The following DNAH11 variants were observed in gnomAD, a reference collection of about 807,000 sequenced individuals.
DNAH11 encodes axonemal beta dynein heavy chain 11.
DNAH11 carries 442 observed loss-of-function variants against 526.0 expected under a neutral mutation model. The ratio of observed to expected loss-of-function variants is 0.84; its 90% CI spans 0.78 to 0.91. DNAH11 has a LOEUF of 0.91. Ranked by LOEUF, DNAH11 falls within the 40% of genes least tolerant of loss-of-function variation. DNAH11 has a pLI of 0.00. For synonymous variants in DNAH11, 2,461 were observed against 1,935.9 expected, an observed-to-expected ratio of 1.27 and a Z score of -7.12; for missense variants, 6,989 against 5,448.7, an observed-to-expected ratio of 1.28 and a Z score of -8.90.
At chr7:21,855,739 G>T (rs1278397423) in intron 68 of DNAH11, among the ~76,000 whole-genome samples, 1 of 152,094 alleles carries the variant, frequency 6.6e-6, no homozygotes, top group Non-Finnish European at 1.5e-5. Context: ...TGTTTATTAT[G>T]ATCAATCACG....
intron 44 of DNAH11, among the ~76,000 whole-genome samples, chr7:21,723,674 G>A (rs1389935745): frequency 2.0e-5 from 3 of 151,958 alleles, no homozygotes; most frequent in Admixed American, 1.3e-4. Context: ...TATTTACAAG[G>A]CCTCTGAATC....
intron 29 of DNAH11, among the ~76,000 whole-genome samples, chr7:21,657,551 T>G (rs1782068869): frequency 6.6e-6 from 1 of 152,128 alleles, no homozygotes; most frequent in South Asian, 2.1e-4. Context: ...GACTGCAAAG[T>G]TCTTGAGAAC....
At chr7:21,703,183 T>G (rs413571) in intron 37 of DNAH11, among the ~76,000 whole-genome samples, 7,339 of 152,218 alleles carry the variant, frequency 0.048, 258 homozygotes, top group East Asian at 0.14. Flanking sequence ...GAGCATCCAT[T>G]TCATGGGACC....
At chr7:21,793,684 C>A (rs1416686326) in intron 61 of DNAH11, among the ~76,000 whole-genome samples, 1 of 151,354 alleles carries the variant, frequency 6.6e-6, no homozygotes, top group Non-Finnish European at 1.5e-5. Flanking sequence ...GTTGCTTAGA[C>A]CTATGTAGTC....
chr7:21,574,595 A>C (rs1459357700), intron 8 of DNAH11, among the ~76,000 whole-genome samples: 3 of 115,684 alleles, frequency 2.6e-5, no homozygotes, highest in Admixed American at 1.2e-4. Flanking sequence ...ACAGAGTCTC[A>C]CTCTGTCGCC....
chr7:21,571,969 A>T lies in DNAH11; in HGVS notation c.1589A>T (p.Asn530Ile), dbSNP rs770674615. Residue 530 changes from asparagine to isoleucine, a missense_variant, in exon 8 of 82, where the codon AAC becomes ATC. Physicochemically the swap from Asn to Ile is moderately radical, Grantham distance 149. Transcript: ENST00000409508. ...ACTTATGACCCATCTGATTGCACTAACATGGTAATGTTGTACCTTTGCATT... is the reference window on the plus strand; with the variant it reads ...ACTTATGACCCATCTGATTGCACTATCATGGTAATGTTGTACCTTTGCATT... ...QSTYDPSDCT[N>I]MEFESDYVAF... The T allele has an allele frequency of 1.3e-6, 2 of 1,555,512 alleles. No homozygotes were observed. Among genetic ancestry groups the T allele is most frequent in the East Asian group, 4.6e-5 (2 of 43,524 alleles).
chr7:21,879,912 C>T (rs771077643), intron 74 of DNAH11, among the ~76,000 whole-genome samples: 1 of 151,866 alleles, frequency 6.6e-6, no homozygotes, highest in East Asian at 1.9e-4. Flanking sequence ...TGGCAAAAAC[C>T]CATCTCTATT....
chr7:21,788,740 T>G (rs1338482432), intron 60 of DNAH11, among the ~76,000 whole-genome samples: 1 of 152,216 alleles, frequency 6.6e-6, no homozygotes, highest in Non-Finnish European at 1.5e-5. Context: ...CCACACTTAT[T>G]TTCTGCCTTA....
intron 54 of DNAH11, among the ~76,000 whole-genome samples, chr7:21,758,683 A>G (rs984204796): frequency 7.2e-5 from 11 of 152,266 alleles, no homozygotes; most frequent in African/African-American, 2.7e-4. Flanking sequence ...AAGAGTGAGT[A>G]GAAGTCTTTC....
chr7:21,817,458 A>G (rs944660249), intron 64 of DNAH11, among the ~76,000 whole-genome samples: 4 of 143,832 alleles, frequency 2.8e-5, no homozygotes, highest in African/African-American at 1.0e-4. Context: ...ATACAGGAGG[A>G]TTGCTTGGAG....
intron 66 of DNAH11, among the ~76,000 whole-genome samples, chr7:21,847,178 G>A (rs1437050719): frequency 6.6e-6 from 1 of 152,080 alleles, no homozygotes; most frequent in Non-Finnish European, 1.5e-5. Context: ...TGGTTAAAAT[G>A]TTACTGACTT....
intron 65 of DNAH11, among the ~76,000 whole-genome samples, chr7:21,835,952 T>C (rs59552782): frequency 3.3e-5 from 5 of 150,906 alleles, no homozygotes; most frequent in African/African-American, 1.2e-4. Context: ...GTCAGTAGTG[T>C]TTCTATACAC....
In DNAH11 at chr7:21,815,694, C is replaced by T. The variant is rs967507655; in HGVS notation, c.10333-773C>T. On this transcript the variant is annotated intron_variant, in intron 63 of 81. Coordinates refer to ENST00000409508, the MANE Select transcript of DNAH11 (RefSeq NM_001277115.2). ...GTGTCTCTAGACAGTGTTTCATGTA[C>T]GTAGAAAATGCTCAATAAATGTTTG... is the stretch of plus-strand genomic sequence containing the variant. Among the ~76,000 whole-genome samples, 4 of 152,070 alleles carry T rather than the reference C, an allele frequency of 2.6e-5. No homozygotes were observed. In the South Asian group the frequency reaches 6.2e-4, roughly 24 times the overall value.
At position 21,786,783 on chromosome 7, in the gene DNAH11, G is replaced by T; in HGVS notation, c.9741+16G>T. On this transcript the variant is annotated intron_variant, in intron 59 of 81. Coordinates refer to ENST00000409508, the MANE Select transcript of DNAH11 (RefSeq NM_001277115.2). ...CATGGGAAAGGTATCAGCCCAGCCT[G>T]GCAAGATGAAAATCCTGATAATTTC... 1 of 1,612,882 alleles carries T rather than the reference G, an allele frequency of 6.2e-7. No individual in the cohort carries two copies. Among genetic ancestry groups the T allele is most frequent in the Non-Finnish European group, 8.5e-7 (1 of 1,179,234 alleles).
intron 24 of DNAH11, 62 bp from the exon 25 acceptor site, chr7:21,619,894 A>C: frequency 6.9e-7 from 1 of 1,457,498 alleles, no homozygotes; most frequent in Non-Finnish European, 9.3e-7. Context: ...ATTCCAGATA[A>C]TAGTCTACAT....
In DNAH11 at chr7:21,901,718, A is replaced by C. The variant is rs1289552346; in HGVS notation, c.*464A>C. The C allele has an allele frequency of 1.3e-5, 2 of 156,496 alleles. No homozygotes were observed. Among genetic ancestry groups the C allele is most frequent in the Non-Finnish European group, 2.8e-5 (2 of 70,924 alleles). 9.7% of individuals were successfully genotyped at this position (156,496 alleles called of 1,614,324 possible). On this transcript the variant is annotated 3_prime_UTR_variant, in exon 82 of 82. Coordinates refer to ENST00000409508, the MANE Select transcript of DNAH11 (RefSeq NM_001277115.2). ...TCAAAATATAAAAGCAGCAGGCCCC[A>C]GGTGAGTCCTGAAGGAAGAGGCTAG...
At chr7:21,850,095 G>A (rs1278727415) in intron 66 of DNAH11, among the ~76,000 whole-genome samples, 1 of 151,420 alleles carries the variant, frequency 6.6e-6, no homozygotes, top group Non-Finnish European at 1.5e-5. Flanking sequence ...GGTGGCTCAC[G>A]CCTGTAATCC....
At chr7:21,801,928 A>G (rs993337596) in intron 62 of DNAH11, among the ~76,000 whole-genome samples, 4 of 152,326 alleles carry the variant, frequency 2.6e-5, no homozygotes, top group African/African-American at 9.6e-5. Flanking sequence ...CTTGAACATG[A>G]GTGGTAGAGG....
intron 40 of DNAH11, 131 bp downstream of exon 40, chr7:21,707,966 T>A: frequency 1.1e-6 from 1 of 883,862 alleles, no homozygotes; most frequent in East Asian, 2.8e-5. Context: ...ATATAGCAGA[T>A]CACAACAGCA....
Sources: allele counts gnomAD v4.1 joint callset (sites outside exome capture counted in the v4.1 genomes callset), GRCh38; gene constraint gnomAD v4.1.1; transcripts MANE v1.5; gene names NCBI Gene and HGNC (gene_info 2026-07-23, HGNC 2026-07-21).